Variants in KANK2 observed in about 807,000 individuals in gnomAD.
The protein encoded by KANK2 is KN motif and ankyrin repeat domains 2.
KANK2 carries 41 observed loss-of-function variants against 74.6 expected under a neutral mutation model. The observed-to-expected ratio is 0.55, with a 90% CI of 0.43 to 0.71. The LOEUF (loss-of-function observed/expected upper bound fraction) is 0.71. Among genes scored for constraint, KANK2 ranks in the 30% least tolerant of loss-of-function variants. KANK2 has a pLI of 0.00. For missense variants in KANK2, 1,148 were observed against 1,196.4 expected, an observed-to-expected ratio of 0.96 and a Z score of 0.60; for synonymous variants, 537 against 519.0, an observed-to-expected ratio of 1.03 and a Z score of -0.47.
At chr19:11,177,962 G>A (rs1365947203) in intron 6 of KANK2, among the ~76,000 whole-genome samples, 1 of 152,128 alleles carries the variant, frequency 6.6e-6, no homozygotes, top group Non-Finnish European at 1.5e-5. Context: ...GGCCACCTGT[G>A]TCTTTCTTGA....
At position 11,176,638 on chromosome 19, in the gene KANK2, T is replaced by A. The variant is rs1001859804; in HGVS notation, c.1700A>T (p.Glu567Val). Residue 567 changes from glutamate (E) to valine (V), a missense_variant, in exon 7 of 13, where the codon GAA (glutamate) becomes GTA (valine). Coordinates refer to ENST00000586659, the MANE Select transcript of KANK2 (RefSeq NM_001136191.3). ...CTCAGCAGTGGGTATGTGCTGAGAT[T>A]CTCGAGACAGCTGACACTCCTGCCG... The part of the protein sequence containing the change: ...TSRQECQLSR[E>V]SQHIPTAEGA... 1 of 1,613,206 alleles carries A rather than the reference T, an allele frequency of 6.2e-7. No individual in the cohort carries two copies. Among genetic ancestry groups the A allele is most frequent in the African/African-American group, 1.3e-5 (1 of 74,912 alleles).
chr19:11,189,535 C>G (rs898976007), intron 4 of KANK2, among the ~76,000 whole-genome samples: 2 of 117,954 alleles, frequency 1.7e-5, no homozygotes, highest in East Asian at 6.0e-4. Context: ...ACTCGGGAGG[C>G]GGGGGTTGCA....
At chr19:11,182,281 GCTGA>G (rs1049812816) in intron 4 of KANK2, among the ~76,000 whole-genome samples, 3 of 151,954 alleles carry the variant, frequency 2.0e-5, no homozygotes, top group African/African-American at 7.2e-5. Context: ...AATTTGAGAG[GCTGA>G]GGCAGGAGGA....
At chr19:11,172,230 G>A (rs1326248765) in intron 10 of KANK2, among the ~76,000 whole-genome samples, 1 of 152,028 alleles carries the variant, frequency 6.6e-6, no homozygotes, top group African/African-American at 2.4e-5. Context: ...ACCCACCTCA[G>A]CCTCCCACAG....
At chr19:11,185,123 T>G (rs2147531059) in intron 4 of KANK2, among the ~76,000 whole-genome samples, 1 of 148,908 alleles carries the variant, frequency 6.7e-6, no homozygotes, top group Admixed American at 6.8e-5. Flanking sequence ...TGCTGCAGCC[T>G]CAAAATCCTG....
chr19:11,172,792 A>G (rs552633394), intron 10 of KANK2, among the ~76,000 whole-genome samples, 189 bp downstream of exon 10: 8 of 152,226 alleles, frequency 5.3e-5, no homozygotes, highest in African/African-American at 1.9e-4. Flanking sequence ...GGGTCATATT[A>G]AGAAAGGTAA....
rs1227397524 is a variant in KANK2, at chr19:11,192,839, C to T, written c.1241G>A (p.Gly414Glu). 1.2e-6 allele frequency: 2 copies of T among 1,605,350 alleles called. No individual in the cohort carries two copies. Among genetic ancestry groups the T allele is most frequent in the South Asian group, 1.1e-5 (1 of 90,866 alleles). Residue 414 changes from glycine (G) to glutamate (E), a missense_variant, in exon 4 of 13, where the codon GGA becomes GAA. Gly to Glu is a moderately conservative substitution (Grantham distance 98). Coordinates refer to ENST00000586659, the MANE Select transcript of KANK2 (RefSeq NM_001136191.3). ...TGCCTGCGACCGCTTACCTGCTGCT[C>T]CATCGCAGCTTCGCTCTGTGATGCT... Reference protein sequence around the residue: ...KISITERSCDGAAGLPEVPAE... With the variant: ...KISITERSCDEAAGLPEVPAE...
intron 4 of KANK2, among the ~76,000 whole-genome samples, chr19:11,190,294 A>G (rs1164250831): frequency 6.6e-6 from 1 of 151,814 alleles, no homozygotes; most frequent in Admixed American, 6.6e-5. Context: ...CGCCCAGCTA[A>G]TTTTTGTATT....
rs566236509 is a variant in KANK2 at position 11,184,427 on chromosome 19, G to A, written c.1250-5707C>T. On this transcript the variant is annotated intron_variant, in intron 4 of 12. Transcript: ENST00000586659. ...AGACCTCTGAGATCCTCATGGGTGC[G>A]GTGGGGGAGTGCCGGAGTTTGGCAC... Among the ~76,000 whole-genome samples the A allele has an allele frequency of 7.3e-5, 11 of 150,114 alleles. 2 individuals carry two copies. Among genetic ancestry groups the A allele is most frequent in the Admixed American group, 1.3e-4 (2 of 14,858 alleles).
rs942942408 is a variant in KANK2, at chr19:11,170,398, C to T, written c.2212-150G>A. 5 of 627,350 alleles carry T rather than the reference C, an allele frequency of 8.0e-6. No homozygotes were observed. Among genetic ancestry groups the T allele is most frequent in the South Asian group, 3.9e-5 (2 of 51,920 alleles). The allele number at this position is 627,350 out of a possible 1,614,324, so 38.9% of individuals were successfully genotyped here. A position where few individuals can be genotyped will look rare whatever the true frequency, so the allele number is the denominator to read the frequency against. On this transcript the variant is annotated intron_variant, in intron 10 of 12. Coordinates refer to ENST00000586659, the MANE Select transcript of KANK2 (RefSeq NM_001136191.3). This position sits in a 1 kb window ranked among gnomAD's most constrained non-coding sequence, Gnocchi z 5.2. ...CCTCCTGAATCTCAAACAACCCTCC[C>T]GTCACCAGGGGAGTAATAAATCCAC...
At chr19:11,171,704 A>C (rs571181328) in intron 10 of KANK2, among the ~76,000 whole-genome samples, 2 of 146,294 alleles carry the variant, frequency 1.4e-5, no homozygotes, top group African/African-American at 5.1e-5. Context: ...TTTGAGATGG[A>C]GTCTCACTCT....
intron 4 of KANK2, among the ~76,000 whole-genome samples, chr19:11,188,653 C>CTT (rs1568651307): frequency 9.9e-5 from 15 of 151,334 alleles, no homozygotes; most frequent in Non-Finnish European, 2.1e-4. Context: ...GTTTTTTCCA[C>CTT]CTCTTCTGGT....
Position 11,193,341 on chromosome 19 carries a change from C to T in KANK2, c.739G>A (p.Glu247Lys), listed in dbSNP as rs766622487. The change falls in exon 4 of 13, where the codon GAG becomes AAG. Residue 247 changes from glutamate to lysine, a missense_variant. Glu to Lys is a moderately conservative substitution (Grantham distance 56). Transcript: ENST00000586659. The surrounding 1 kb of genome is among the most constrained non-coding windows in gnomAD (Gnocchi z 9.6). ...GGATCGGGGAGGTCCAGGCAGAGCT[C>T]GCTGCGACCCCGGCCCGCTGTGGGG... is the stretch of plus-strand genomic sequence containing the variant. ...GHPTAGRGRSELCLDLPDPPE... is the reference protein window; with the variant it reads ...GHPTAGRGRSKLCLDLPDPPE... The T allele has an allele frequency of 3.2e-5, 52 of 1,612,676 alleles. No individual in the cohort carries two copies. Among genetic ancestry groups the T allele is most frequent in the Admixed American group, 6.7e-5 (4 of 60,006 alleles).
At chr19:11,192,782 GGCCCCCCCCCCCCAA>G in intron 4 of KANK2, 34 bp downstream of exon 4, 1 of 1,543,196 alleles carries the variant, frequency 6.5e-7, no homozygotes, top group Admixed American at 1.9e-5. Flanking sequence ...GGAAGAAAGA[GGCCCCCCCCCCCCAA>G]GCCATTCTCC....
At chr19:11,180,515 G>A (rs899183125) in intron 4 of KANK2, among the ~76,000 whole-genome samples, 2 of 152,102 alleles carry the variant, frequency 1.3e-5, no homozygotes, top group Non-Finnish European at 2.9e-5. Flanking sequence ...GACAGGGCCG[G>A]CTGCATGAGA....
At chr19:11,194,207 C>T (rs2078949662) in intron 3 of KANK2, among the ~76,000 whole-genome samples, 165 bp from the exon 4 acceptor site, 1 of 152,122 alleles carries the variant, frequency 6.6e-6, no homozygotes, top group South Asian at 2.1e-4. Flanking sequence ...GCTATGCCTC[C>T]CCTTCAGACT....
intron 6 of KANK2, among the ~76,000 whole-genome samples, chr19:11,178,096 C>A (rs558672190): frequency 6.6e-6 from 1 of 152,304 alleles, no homozygotes; most frequent in East Asian, 1.9e-4. Context: ...TGGGGTAGAG[C>A]TGTGCAGTGG....
chr19:11,194,573 G>C lies in KANK2; in HGVS notation c.-62C>G. 7.3e-7 allele frequency: 1 copy of C among 1,362,694 alleles called. No homozygotes were observed. Among genetic ancestry groups the C allele is most frequent in the Non-Finnish European group, 1.0e-6 (1 of 953,114 alleles). 84.4% of individuals were successfully genotyped at this position (1,362,694 alleles called of 1,614,324 possible). On this transcript the variant is annotated 5_prime_UTR_variant, in exon 3 of 13. Transcript: ENST00000586659. ...GGGACTGCGAGTCAGACTGCCTGCA[G>C]CACCGGCTGAGGCTTACCTGGGGAA...
In KANK2 at chr19:11,166,305, A is replaced by G; in HGVS notation, c.*253T>C. The G allele has an allele frequency of 2.4e-6, 1 of 419,026 alleles. No individual in the cohort carries two copies. Among genetic ancestry groups the G allele is most frequent in the Non-Finnish European group, 4.3e-6 (1 of 234,932 alleles). The allele number at this position is 419,026 out of a possible 1,614,324, so 26.0% of individuals were successfully genotyped here. On this transcript the variant is annotated 3_prime_UTR_variant, in exon 13 of 13. Transcript: ENST00000586659. The stretch of plus-strand genomic sequence containing the variant: ...ACACCCCAGCATCAGCCCTGGCGCC[A>G]ATGTATACAAGAATTTTGCTTCGGT...
Sources: allele counts gnomAD v4.1 joint callset (sites outside exome capture counted in the v4.1 genomes callset), GRCh38; gene constraint gnomAD v4.1.1; non-coding constraint Gnocchi (gnomAD v3.1); transcripts MANE v1.5; gene names NCBI Gene and HGNC (gene_info 2026-07-23, HGNC 2026-07-21).